SLC12A7: variants seen among roughly 807,000 people sequenced by gnomAD.
SLC12A7 encodes K-Cl cotransporter 4.
In SLC12A7, 100 loss-of-function variants were observed where a neutral mutation model predicts 120.6. That is an observed-to-expected ratio of 0.83 (90% CI 0.71 to 0.98). The LOEUF is 0.98. Ranked by LOEUF, SLC12A7 falls within the 50% of genes least tolerant of loss-of-function variation. The pLI, the probability that SLC12A7 is intolerant of heterozygous loss-of-function variation, is 0.00. For missense variants in SLC12A7, 1,373 were observed against 1,548.1 expected, an observed-to-expected ratio of 0.89 and a Z score of 1.90; for synonymous variants, 760 against 678.0, an observed-to-expected ratio of 1.12 and a Z score of -1.88.
At chr5:1,118,328 C>T in the SLC12A7 span, among the ~76,000 whole-genome samples, 1 of 152,220 alleles carries the variant, frequency 6.6e-6, no homozygotes, top group African/African-American at 2.4e-5. Flanking sequence ...ACCCATTGGG[C>T]GGTTACATGA....
chr5:1,152,688 C>T, the SLC12A7 span, among the ~76,000 whole-genome samples: 1 of 150,288 alleles, frequency 6.7e-6, no homozygotes, highest in Admixed American at 6.6e-5. Flanking sequence ...CCCCCCGGAC[C>T]ATGCACTGCC....
the SLC12A7 span, among the ~76,000 whole-genome samples, chr5:1,150,136 T>C: frequency 1.1e-3 from 164 of 152,334 alleles, no homozygotes; most frequent in African/African-American, 3.8e-3. Flanking sequence ...TTGTAGGAGT[T>C]CTTGGCATCC....
At position 1,056,938 on chromosome 5, in the gene SLC12A7, G is replaced by C. The variant is rs932668222; in HGVS notation, c.3026+533C>G. Reference sequence around the variant, plus strand: ...CGACAGCAGCCTGAACTACCCACAGGGTGAAGGCCAGGAATTCTGTGCCCA... The same window carrying C: ...CGACAGCAGCCTGAACTACCCACAGCGTGAAGGCCAGGAATTCTGTGCCCA... On this transcript the variant is annotated intron_variant, in intron 22 of 23. Transcript: ENST00000264930. 5.9e-5 allele frequency among the ~76,000 whole-genome samples: 9 copies of C among 152,210 alleles called. No individual in the cohort carries two copies. The East Asian group carries it at 1.7e-3, about 29-fold the overall frequency.
At chr5:1,066,688 G>C (rs1044552378) in intron 17 of SLC12A7, among the ~76,000 whole-genome samples, 9 of 152,228 alleles carry the variant, frequency 5.9e-5, no homozygotes, top group African/African-American at 2.2e-4. Context: ...CCACTGACAA[G>C]TGACCTTACA....
chr5:1,123,362 C>G, the SLC12A7 span, among the ~76,000 whole-genome samples: 1 of 152,206 alleles, frequency 6.6e-6, no homozygotes, highest in African/African-American at 2.4e-5. Context: ...ACTCCTGGGC[C>G]CTTGAACCCT....
chr5:1,101,359 C>A (rs1489558935), intron 1 of SLC12A7, among the ~76,000 whole-genome samples: 1 of 152,234 alleles, frequency 6.6e-6, no homozygotes, highest in Non-Finnish European at 1.5e-5. Context: ...CTCAACAGAA[C>A]CTGCCCCAAG....
Position 1,088,973 on chromosome 5 carries a change from G to A in SLC12A7, c.489+9C>T. On this transcript the variant is annotated intron_variant, in intron 4 of 23. Transcript: ENST00000264930. ...AAGGCACAGCCACACCTGGCCGGGG[G>A]AGACTCACACATGTGCAGCACATGG... 1 of 1,612,614 alleles carries A rather than the reference G, an allele frequency of 6.2e-7. No homozygotes were observed. Among genetic ancestry groups the A allele is most frequent in the Non-Finnish European group, 8.5e-7 (1 of 1,179,886 alleles).
chr5:1,147,334 A>G, the SLC12A7 span, among the ~76,000 whole-genome samples: 2 of 146,302 alleles, frequency 1.4e-5, no homozygotes, highest in Admixed American at 1.4e-4. Flanking sequence ...GGCAGAACAG[A>G]CTCTGTGGCG....
chr5:1,066,762 G>A (rs1737097262), intron 17 of SLC12A7, among the ~76,000 whole-genome samples: 1 of 152,188 alleles, frequency 6.6e-6, no homozygotes, highest in Admixed American at 6.5e-5. Flanking sequence ...CAGGCGCCCA[G>A]GGTCGCCCGG....
At chr5:1,074,742 C>T (rs755644807) in intron 15 of SLC12A7, 71 bp from the exon 16 acceptor site, 2 of 1,433,480 alleles carry the variant, frequency 1.4e-6, no homozygotes, top group Non-Finnish European at 1.9e-6. Context: ...GGAAAGGGGA[C>T]TTCTGGGGGC....
At chr5:1,061,747 C>T (rs1736308593) in intron 20 of SLC12A7, among the ~76,000 whole-genome samples, 1 of 151,784 alleles carries the variant, frequency 6.6e-6, no homozygotes, top group Non-Finnish European at 1.5e-5. Flanking sequence ...GTCAGAAGTT[C>T]GAGACCAGCC....
the SLC12A7 span, among the ~76,000 whole-genome samples, chr5:1,155,068 C>A: frequency 6.6e-6 from 1 of 152,144 alleles, no homozygotes; most frequent in African/African-American, 2.4e-5. Context: ...GCTCTGGGTC[C>A]TCTGCCTCCC....
In SLC12A7 at chr5:1,065,107, T is replaced by TGAGGGGACGGCGAGGGGATGCA. The variant is rs1317105766; in HGVS notation, c.2437+154_2437+175dup. ...CACTGAGGAGACACACAGGGGACAG[T>TGAGGGGACGGCGAGGGGATGCA]GAGGGGACGGCGAGGGGATGCAGAG... On this transcript the variant is annotated intron_variant, in intron 18 of 23. Transcript: ENST00000264930. Among the ~76,000 whole-genome samples the TGAGGGGACGGCGAGGGGATGCA allele has an allele frequency of 1.8e-3, 147 of 83,130 alleles. 1 individual carries two copies. The highest frequency in any genetic ancestry group is 7.0e-3 in the African/African-American group (140 of 20,118). The allele number at this position is 83,130 out of a possible 152,430, so 54.5% of individuals were successfully genotyped here.
At chr5:1,073,544 G>T (rs1278544332) in intron 17 of SLC12A7, 89 bp downstream of exon 17, 2 of 1,380,226 alleles carry the variant, frequency 1.4e-6, no homozygotes, top group East Asian at 2.5e-5. Flanking sequence ...GCACCGTGTT[G>T]ACACGCTGCG....
the SLC12A7 span, among the ~76,000 whole-genome samples, chr5:1,148,194 T>C: frequency 2.2e-5 from 3 of 135,940 alleles, no homozygotes; most frequent in Non-Finnish European, 3.1e-5. Context: ...TTGATACTTT[T>C]TTCTTTCTTT....
chr5:1,134,054 G>A, the SLC12A7 span, among the ~76,000 whole-genome samples: 1 of 152,182 alleles, frequency 6.6e-6, no homozygotes, highest in Non-Finnish European at 1.5e-5. Context: ...GACAGCCAGA[G>A]CCTAGTACAA....
At chr5:1,060,904 G>A (rs1474175310) in intron 20 of SLC12A7, among the ~76,000 whole-genome samples, 1 of 130,124 alleles carries the variant, frequency 7.7e-6, no homozygotes, top group African/African-American at 3.7e-5. Flanking sequence ...CAGGACCCTG[G>A]GTCTCACCCA....
At chr5:1,088,455 C>A (rs936519825) in intron 4 of SLC12A7, 95 bp from the exon 5 acceptor site, 2 of 1,326,816 alleles carry the variant, frequency 1.5e-6, no homozygotes, top group African/African-American at 1.5e-5. Flanking sequence ...CGGCTCCCGC[C>A]GAATGCCAGC....
chr5:1,132,043 C>G, the SLC12A7 span, among the ~76,000 whole-genome samples: 4 of 152,156 alleles, frequency 2.6e-5, no homozygotes, highest in Non-Finnish European at 5.9e-5. Context: ...ACGGGACGAC[C>G]GCGCAAGAGG....
Sources: gnomAD v4.1 joint callset for allele counts (sites outside exome capture counted in the v4.1 genomes callset) on GRCh38, gnomAD v4.1.1 for gene constraint, MANE v1.5 for transcripts, NCBI Gene and HGNC (gene_info 2026-07-23, HGNC 2026-07-21) for gene names.